Variants in LIFR observed in about 807,000 individuals in gnomAD.
LIFR encodes LIF receptor subunit alpha, also known as leukemia inhibitory factor receptor.
Under a neutral mutation model 122.2 loss-of-function variants are expected in LIFR, and 84 were observed. The ratio of observed to expected loss-of-function variants is 0.69; its 90% confidence interval spans 0.58 to 0.82. The LOEUF is 0.82. Ranked by LOEUF, LIFR falls within the 40% of genes least tolerant of loss-of-function variation. LIFR has a pLI of 0.00. For missense variants in LIFR, 1,294 were observed against 1,311.6 expected, an observed-to-expected ratio of 0.99 and a Z score of 0.21; for synonymous variants, 422 against 434.7, an observed-to-expected ratio of 0.97 and a Z score of 0.36.
At chr5:38,599,682 C>T (rs1011812607), upstream of LIFR, among the ~76,000 whole-genome samples, 1 of 152,130 alleles carries the variant, frequency 6.6e-6, no homozygotes, top group African/African-American at 2.4e-5. Context: ...AGTTTACAGA[C>T]TCCTTGGTGT....
intron 5 of LIFR, among the ~76,000 whole-genome samples, chr5:38,521,427 G>A (rs941236550): frequency 7.9e-5 from 12 of 152,028 alleles, no homozygotes; most frequent in African/African-American, 2.4e-4. Flanking sequence ...TCTCTTGCCC[G>A]ACTGCTCTGG....
intron 1 of LIFR, among the ~76,000 whole-genome samples, chr5:38,551,706 CAGA>C (rs1748210614): frequency 6.6e-6 from 1 of 152,192 alleles, no homozygotes; most frequent in Admixed American, 6.5e-5. Context: ...CCTTACAAAC[CAGA>C]AGAATGATTG....
intron 14 of LIFR, 95 bp from the exon 15 acceptor site, chr5:38,490,386 A>G: frequency 1.8e-6 from 1 of 550,460 alleles, no homozygotes; most frequent in South Asian, 2.9e-5. Context: ...TAAAATTTCC[A>G]AAGCTAATTT....
chr5:38,584,505 AAC>A (rs1226028260), intron 1 of LIFR, among the ~76,000 whole-genome samples: 2 of 152,038 alleles, frequency 1.3e-5, no homozygotes, highest in Non-Finnish European at 2.9e-5. Context: ...CACATACACA[AAC>A]ACACACACTG....
intron 14 of LIFR, among the ~76,000 whole-genome samples, chr5:38,491,295 C>A (rs1290908561): frequency 6.6e-6 from 1 of 152,188 alleles, no homozygotes; most frequent in African/African-American, 2.4e-5. Flanking sequence ...GCAACACAGA[C>A]ATGCACAAAA....
In LIFR at chr5:38,508,572, ATTTC is replaced by A. The variant is rs145212026; in HGVS notation, c.991+1888_991+1891del. On this transcript the variant is annotated intron_variant, in intron 7 of 19. Transcript: ENST00000453190. The stretch of plus-strand genomic sequence containing the variant: ...GGAAAAACTAACAAGCCGATTATAA[ATTTC>A]TTTTTCTTTTTTTTTTTTGAGACGG... Among the ~76,000 whole-genome samples, 2,504 of 151,690 alleles carry A rather than the reference ATTTC, an allele frequency of 0.017. 184 individuals are homozygous for A. The East Asian group carries it at 0.25, about 15-fold the overall frequency.
At chr5:38,601,709 C>T (rs912681555) in intron 2 of LIFR, among the ~76,000 whole-genome samples, 1 of 152,150 alleles carries the variant, frequency 6.6e-6, no homozygotes, top group African/African-American at 2.4e-5. Context: ...CACATCTTTG[C>T]GTTTCCTTTT....
At chr5:38,491,809 A>G (rs1050941778) in intron 14 of LIFR, among the ~76,000 whole-genome samples, 1 of 152,244 alleles carries the variant, frequency 6.6e-6, no homozygotes, top group African/African-American at 2.4e-5. Context: ...ATGCAACTCA[A>G]GCTCAGCCAA....
At chr5:38,520,208 C>T (rs1236041003) in intron 5 of LIFR, among the ~76,000 whole-genome samples, 1 of 152,006 alleles carries the variant, frequency 6.6e-6, no homozygotes, top group Non-Finnish European at 1.5e-5. Context: ...ATTTGTATTT[C>T]CCTGGTAAGT....
Position 38,505,905 on chromosome 5 carries a change from C to T in LIFR, c.1291G>A (p.Val431Ile). Residue 431 changes from valine to isoleucine, a missense_variant and splice_region_variant, in exon 9 of 20, where the codon GTT becomes ATT. Physicochemically the swap from Val to Ile is conservative, Grantham distance 29. Transcript: ENST00000453190. ...AGACATTAGTTTATGTACAGCTTAC[C>T]TTTTTCAGTTATATTAACTAAAATT... The part of the protein sequence containing the change: ...STILVNITEK[V>I]YPHTPTSFKV... 1 of 1,599,658 alleles carries T rather than the reference C, an allele frequency of 6.3e-7. No individual in the cohort carries two copies. Among genetic ancestry groups the T allele is most frequent in the Non-Finnish European group, 8.5e-7 (1 of 1,170,770 alleles).
rs2112559634 is a variant in LIFR at position 38,527,298 on chromosome 5, T to C, written c.258-4A>G. ...CAACTGATAACAAGAACGGGACCTG[T>C]AATAAGAAATTGAATTTTAATTAGC... On this transcript the variant is annotated splice_region_variant and splice_polypyrimidine_tract_variant and intron_variant, in intron 3 of 19. Transcript: ENST00000453190. 1 of 1,558,352 alleles carries C rather than the reference T, an allele frequency of 6.4e-7. No individual in the cohort carries two copies. The highest frequency in any genetic ancestry group is 8.8e-7 in the Non-Finnish European group (1 of 1,132,522).
intron 5 of LIFR, among the ~76,000 whole-genome samples, chr5:38,518,415 A>C (rs1312256832): frequency 1.3e-5 from 2 of 152,154 alleles, no homozygotes; most frequent in African/African-American, 4.8e-5. Context: ...GGTATACAGT[A>C]ATGTGCTATA....
Position 38,577,957 on chromosome 5 carries a change from C to G in LIFR, c.-20+17304G>C, listed in dbSNP as rs6896065. Among the ~76,000 whole-genome samples the G allele has an allele frequency of 1.3e-3, 192 of 152,280 alleles. 1 individual carries two copies. Among genetic ancestry groups the G allele is most frequent in the African/African-American group, 4.5e-3 (186 of 41,568 alleles). On this transcript the variant is annotated intron_variant, in intron 1 of 19. Coordinates refer to the LIFR transcript ENST00000263409. Reference sequence around the variant, plus strand: ...GCTTCCAGGAATTCCAAGGAGGACCCTCCATGGTGCCTTCTTAAATTGAAA... The same window carrying G: ...GCTTCCAGGAATTCCAAGGAGGACCGTCCATGGTGCCTTCTTAAATTGAAA...
chr5:38,575,746 T>C (rs1749365213), intron 1 of LIFR, among the ~76,000 whole-genome samples: 1 of 152,120 alleles, frequency 6.6e-6, no homozygotes, highest in African/African-American at 2.4e-5. Flanking sequence ...ATATCTCTTC[T>C]CCATCCTCTG....
intron 1 of LIFR, among the ~76,000 whole-genome samples, chr5:38,583,621 C>A (rs1172846228): frequency 6.6e-6 from 1 of 152,008 alleles, no homozygotes; most frequent in East Asian, 1.9e-4. Context: ...AAATAAATAA[C>A]CTGATTTAAA....
chr5:38,519,552 A>C (rs747665257), intron 5 of LIFR, among the ~76,000 whole-genome samples: 21 of 152,130 alleles, frequency 1.4e-4, no homozygotes, highest in African/African-American at 4.8e-4. Flanking sequence ...CACAGAACTT[A>C]TATCTTCTAT....
At chr5:38,529,819 AAAAC>A (rs751441803) in intron 2 of LIFR, among the ~76,000 whole-genome samples, 15 of 152,242 alleles carry the variant, frequency 9.9e-5, no homozygotes, top group Non-Finnish European at 2.2e-4. Context: ...ATATGACAGA[AAAAC>A]AAATATTACA....
intron 1 of LIFR, among the ~76,000 whole-genome samples, chr5:38,572,974 C>G (rs1749264681): frequency 6.6e-6 from 1 of 152,170 alleles, no homozygotes; most frequent in Admixed American, 6.5e-5. Flanking sequence ...GCAACTTTCC[C>G]CATCTTTGTT....
chr5:38,556,714 A>ACCCGCCCCTGC (rs1482079813), upstream of LIFR: 1 of 105,378 alleles, frequency 9.5e-6, no homozygotes, highest in Non-Finnish European at 2.1e-5. Flanking sequence ...CCCGCCCCTG[A>ACCCGCCCCTGC]CCCGCCCCTG....
Sources: gnomAD v4.1 joint callset for allele counts (sites outside exome capture counted in the v4.1 genomes callset) on GRCh38, gnomAD v4.1.1 for gene constraint, MANE v1.5 for transcripts, NCBI Gene and HGNC (gene_info 2026-07-23, HGNC 2026-07-21) for gene names.